SDK1: variants seen among roughly 807,000 people sequenced by gnomAD.
SDK1 encodes sidekick cell adhesion molecule 1, also known as protein sidekick-1.
In SDK1, 157 loss-of-function variants were observed where a neutral mutation model predicts 245.5. That is an observed-to-expected ratio of 0.64 (90% CI 0.56 to 0.73). SDK1 has a LOEUF of 0.73. Among genes scored for constraint, SDK1 ranks in the 30% least tolerant of loss-of-function variants. SDK1 has a pLI of 0.00. For missense variants in SDK1, 3,583 were observed against 3,002.3 expected (o/e 1.19, Z -4.52); for synonymous variants, 1,647 against 1,278.5 (o/e 1.29, Z -6.15).
intron 5 of SDK1, among the ~76,000 whole-genome samples, chr7:3,829,570 C>T (rs1779863273): frequency 6.6e-6 from 1 of 152,126 alleles, no homozygotes; most frequent in Admixed American, 6.6e-5. Context: ...TGTCCCCCTC[C>T]CAAAACCCTC....
At chr7:4,107,419 T>C (rs1429690983) in intron 22 of SDK1, among the ~76,000 whole-genome samples, 32 of 152,150 alleles carry the variant, frequency 2.1e-4, no homozygotes, top group African/African-American at 7.2e-5. Context: ...TTAGTGCTTA[T>C]ACGTGATTGA....
chr7:4,033,607 C>G (rs925503597), intron 17 of SDK1, among the ~76,000 whole-genome samples: 2 of 151,888 alleles, frequency 1.3e-5, no homozygotes, highest in East Asian at 3.9e-4. Context: ...ATTAAGAGCT[C>G]TAAAACAGAG....
intron 40 of SDK1, among the ~76,000 whole-genome samples, chr7:4,232,497 AC>A (rs1785861127): frequency 7.1e-6 from 1 of 140,224 alleles, no homozygotes; most frequent in Admixed American, 7.8e-5. Flanking sequence ...TCACTCTGTT[AC>A]CCAGGCTGTA....
At chr7:3,485,124 C>G (rs543775653) in intron 1 of SDK1, among the ~76,000 whole-genome samples, 4 of 152,098 alleles carry the variant, frequency 2.6e-5, no homozygotes, top group Admixed American at 6.5e-5. Flanking sequence ...TCACCAAGAC[C>G]GTATGAACAT....
At chr7:4,166,476 A>G (rs1254050610) in intron 32 of SDK1, among the ~76,000 whole-genome samples, 1 of 152,232 alleles carries the variant, frequency 6.6e-6, no homozygotes, top group Non-Finnish European at 1.5e-5. Flanking sequence ...CCTGCAGTGA[A>G]AGGCTGGAGA....
intron 1 of SDK1, among the ~76,000 whole-genome samples, chr7:3,606,605 T>C (rs1363789610): frequency 6.6e-6 from 1 of 152,124 alleles, no homozygotes. Flanking sequence ...ATCAGCGACT[T>C]TGTACTTGCT....
At chr7:3,558,439 G>A (rs1779654527) in intron 1 of SDK1, among the ~76,000 whole-genome samples, 1 of 152,186 alleles carries the variant, frequency 6.6e-6, no homozygotes, top group Admixed American at 6.5e-5. Context: ...AATAACTTCT[G>A]TATTCCAGGA....
intron 1 of SDK1, among the ~76,000 whole-genome samples, chr7:3,326,553 G>A (rs1410073942): frequency 6.6e-6 from 1 of 152,104 alleles, no homozygotes; most frequent in Non-Finnish European, 1.5e-5. Context: ...CATACAGTAT[G>A]TCTTGTTTCC....
chr7:4,041,368 C>T (rs73300977), intron 17 of SDK1, among the ~76,000 whole-genome samples: 11,619 of 151,562 alleles, frequency 0.077, 1,029 homozygotes, highest in African/African-American at 0.21. Context: ...TACTCTCTGC[C>T]CAACATGTAC....
At chr7:3,393,474 A>T (rs76489290) in intron 1 of SDK1, among the ~76,000 whole-genome samples, 3,364 of 152,230 alleles carry the variant, frequency 0.022, 138 homozygotes, top group African/African-American at 0.076. Context: ...TCCTATAGCT[A>T]TGTGAAGTGG....
intron 1 of SDK1, among the ~76,000 whole-genome samples, chr7:3,457,414 A>G (rs1171891243): frequency 2.6e-5 from 4 of 152,074 alleles, no homozygotes; most frequent in African/African-American, 9.7e-5. Context: ...CACAGACACT[A>G]TACACAATGT....
At chr7:4,129,628 G>C (rs1174637063) in intron 26 of SDK1, 5 of 1,293,288 alleles carry the variant, frequency 3.9e-6, no homozygotes, top group Middle Eastern at 3.0e-4. Context: ...TGGCATGGCT[G>C]CAGTTGGGCC....
chr7:4,180,303 TGGCTCCAGCTCTATGCCCAGTGCCC>T (rs1562398599), intron 35 of SDK1, among the ~76,000 whole-genome samples: 39 of 128,260 alleles, frequency 3.0e-4, no homozygotes, highest in African/African-American at 1.0e-3. Flanking sequence ...GCCCTGTGCC[TGGCTCCAGCTCTATGCCCAGTGCCC>T]GGCTCCAGCT....
intron 42 of SDK1, 88 bp downstream of exon 42, chr7:4,237,872 T>G: frequency 4.8e-6 from 7 of 1,450,426 alleles, no homozygotes; most frequent in Non-Finnish European, 5.7e-6. Context: ...GCCGGGCCCG[T>G]GTCTGCTTTT....
At chr7:4,011,998 G>C (rs1408954384) in intron 15 of SDK1, 97 bp from the exon 16 acceptor site, 7 of 1,115,804 alleles carry the variant, frequency 6.3e-6, no homozygotes, top group Non-Finnish European at 7.1e-6. Flanking sequence ...TTTGTGAATA[G>C]TCAGGCTCAA....
At chr7:3,540,307 C>T (rs541859404) in intron 1 of SDK1, among the ~76,000 whole-genome samples, 1 of 152,152 alleles carries the variant, frequency 6.6e-6, no homozygotes, top group Admixed American at 6.5e-5. Context: ...TTCGGGAGGC[C>T]GAGACAGGAG....
At position 3,884,923 on chromosome 7, in the gene SDK1, C is replaced by A. The variant is rs966874405; in HGVS notation, c.847+63340C>A. Among the ~76,000 whole-genome samples the A allele has an allele frequency of 1.3e-5, 2 of 152,160 alleles. 1 individual carries two copies. Among genetic ancestry groups the A allele is most frequent in the African/African-American group, 4.8e-5 (2 of 41,438 alleles). ...GGACTAGGGGAGGTGGAAGCTTATC[C>A]CTTTCTCGCCATAAGCGCTGTCACT... On this transcript the variant is annotated intron_variant, in intron 5 of 44. Transcript: ENST00000404826.
At chr7:3,472,762 G>C (rs906766507) in intron 1 of SDK1, among the ~76,000 whole-genome samples, 6 of 152,148 alleles carry the variant, frequency 3.9e-5, no homozygotes, top group African/African-American at 1.4e-4. Context: ...TGACGTCCTG[G>C]AGTTTCAGGT....
chr7:4,209,830 G>C (rs1327310856), intron 37 of SDK1, among the ~76,000 whole-genome samples, 195 bp from the exon 38 acceptor site: 4 of 152,166 alleles, frequency 2.6e-5, no homozygotes, highest in Non-Finnish European at 5.9e-5. Flanking sequence ...CTTCTCAGGA[G>C]GGTCTGCGTG....
Sources: gnomAD v4.1 joint callset for allele counts (sites outside exome capture counted in the v4.1 genomes callset) on GRCh38, gnomAD v4.1.1 for gene constraint, MANE v1.5 for transcripts, NCBI Gene and HGNC (gene_info 2026-07-23, HGNC 2026-07-21) for gene names.